METTL9: variants seen among roughly 807,000 people sequenced by gnomAD.
The protein encoded by METTL9 is protein-L-histidine N-pros-methyltransferase.
In METTL9, 10 loss-of-function variants were observed where a neutral mutation model predicts 36.0. That is an observed-to-expected ratio of 0.28 (90% CI 0.17 to 0.47). METTL9 has a LOEUF of 0.47. Among genes scored for constraint, METTL9 ranks in the 20% least tolerant of loss-of-function variants. METTL9 has a pLI of 0.99. For missense variants in METTL9, 246 were observed against 383.5 expected (o/e 0.64, Z 3.00); for synonymous variants, 175 against 149.7 (o/e 1.17, Z -1.23).
chr16:21,609,716 G>A (rs1965382506), intron 1 of METTL9, among the ~76,000 whole-genome samples: 1 of 152,030 alleles, frequency 6.6e-6, no homozygotes, highest in Admixed American at 6.6e-5. Context: ...AGGGGTCATG[G>A]GTTGGTAGGG....
intron 4 of METTL9, among the ~76,000 whole-genome samples, chr16:21,650,974 A>G (rs1228031820): frequency 6.6e-6 from 1 of 152,250 alleles, no homozygotes; most frequent in East Asian, 1.9e-4. Flanking sequence ...CTGTAATCCC[A>G]GCATTATGGG....
At chr16:21,649,109 G>A (rs1966503088) in intron 4 of METTL9, among the ~76,000 whole-genome samples, 1 of 152,046 alleles carries the variant, frequency 6.6e-6, no homozygotes, top group African/African-American at 2.4e-5. Context: ...TCCTGCCTTA[G>A]CTTCTCAAAA....
At chr16:21,599,394 G>A (rs1423527870), upstream of METTL9, 78 of 1,074,240 alleles carry the variant, frequency 7.3e-5, no homozygotes, top group Non-Finnish European at 8.2e-5. This position sits in a 1 kb window ranked among gnomAD's most constrained non-coding sequence, Gnocchi z 4.4. Flanking sequence ...ACGCGCTCCG[G>A]GCGGATGCGC....
intron 4 of METTL9, among the ~76,000 whole-genome samples, chr16:21,625,470 C>T (rs952307804): frequency 6.6e-6 from 1 of 152,062 alleles, no homozygotes; most frequent in Non-Finnish European, 1.5e-5. Flanking sequence ...TAAATCTGGT[C>T]GTATATACTT....
Position 21,599,712 on chromosome 16 carries a change from G to A in METTL9, c.-22G>A, listed in dbSNP as rs957320114. The A allele has an allele frequency of 4.7e-6, 7 of 1,476,714 alleles. No homozygotes were observed. Among genetic ancestry groups the A allele is most frequent in the Middle Eastern group, 2.3e-4 (1 of 4,426 alleles). 91.5% of individuals were successfully genotyped at this position (1,476,714 alleles called of 1,614,324 possible). A position where few individuals can be genotyped will look rare whatever the true frequency, so the allele number is the denominator to read the frequency against. ...CTCGCCCCGGCGCCGGCGGTGATCCGAGCGAGCGGCCGCGGCCCCCGATGA... is the reference window on the plus strand; with the variant it reads ...CTCGCCCCGGCGCCGGCGGTGATCCAAGCGAGCGGCCGCGGCCCCCGATGA... On this transcript the variant is annotated 5_prime_UTR_variant, in exon 1 of 5. Coordinates refer to ENST00000358154, the MANE Select transcript of METTL9 (RefSeq NM_016025.5). This position sits in a 1 kb window ranked among gnomAD's most constrained non-coding sequence, Gnocchi z 4.4.
chr16:21,636,599 ACTT>A (rs369530898), intron 4 of METTL9, among the ~76,000 whole-genome samples: 180 of 152,238 alleles, frequency 1.2e-3, no homozygotes, highest in African/African-American at 4.3e-3. Context: ...GGGTCAACCA[ACTT>A]CTTGTTGGGA....
Position 21,655,695 on chromosome 16 carries a change from T to C in METTL9, c.*263T>C, listed in dbSNP as rs1383307077. 5.4e-6 allele frequency: 2 copies of C among 370,962 alleles called. No homozygotes were observed. Among genetic ancestry groups the C allele is most frequent in the Non-Finnish European group, 9.7e-6 (2 of 205,482 alleles). The allele number at this position is 370,962 out of a possible 1,614,324, so 23.0% of individuals were successfully genotyped here. A position where few individuals can be genotyped will look rare whatever the true frequency, so the allele number is the denominator to read the frequency against. ...TCCAATGCAGGTCACACTCCAATTA[T>C]GATGGAAGATATTTTTTATACTTAA... On this transcript the variant is annotated 3_prime_UTR_variant, in exon 5 of 5. Coordinates refer to ENST00000358154, the MANE Select transcript of METTL9 (RefSeq NM_016025.5).
At chr16:21,624,870 T>C in intron 3 of METTL9, 61 bp from the exon 4 acceptor site, 1 of 1,448,282 alleles carries the variant, frequency 6.9e-7, no homozygotes, top group Non-Finnish European at 9.7e-7. Flanking sequence ...TCATCTCAGT[T>C]ATTTTTAAAG....
At chr16:21,643,680 TTAAAC>T (rs1966338885) in intron 4 of METTL9, 8 of 840,886 alleles carry the variant, frequency 9.5e-6, no homozygotes, top group Non-Finnish European at 1.2e-5. Flanking sequence ...CCTAATAAGA[TTAAAC>T]TAACTTAATA....
chr16:21,598,882 G>C (rs902979948), upstream of METTL9, among the ~76,000 whole-genome samples: 1 of 152,134 alleles, frequency 6.6e-6, no homozygotes, highest in Non-Finnish European at 1.5e-5. Context: ...CCCCAGCTGC[G>C]GTAGCTTCCC....
chr16:21,617,928 T>C lies in METTL9; in HGVS notation c.420T>C (p.Ile140=). Residue 140 remains isoleucine (I), a synonymous_variant, in exon 3 of 5, where the codon ATT becomes ATC. Transcript: ENST00000358154. ...ATCAGTTTCAGAGACTGCTTAAAAT[T>C]AATCCAGACTGGAAAACCCACAGAC... is the stretch of plus-strand genomic sequence containing the variant. The part of the protein sequence containing the change: ...SPDQFQRLLK[I]NPDWKTHRLL... 2 of 1,614,070 alleles carry C rather than the reference T, an allele frequency of 1.2e-6. No homozygotes were observed. The highest frequency in any genetic ancestry group is 2.2e-5 in the South Asian group (2 of 91,066).
intron 4 of METTL9, among the ~76,000 whole-genome samples, chr16:21,651,165 G>A (rs1022455420): frequency 1.3e-5 from 2 of 152,206 alleles, no homozygotes; most frequent in African/African-American, 4.8e-5. Context: ...GGAGCTTGCA[G>A]TGAGCCGAGA....
At chr16:21,637,594 C>T (rs1966135727) in intron 4 of METTL9, among the ~76,000 whole-genome samples, 1 of 152,236 alleles carries the variant, frequency 6.6e-6, no homozygotes, top group African/African-American at 2.4e-5. Context: ...CCTGGGCACT[C>T]CAGCAGCCCA....
rs1966718376 is a variant in METTL9 at position 21,656,671 on chromosome 16, C to A, written c.*1239C>A. 6.6e-6 allele frequency: 1 copy of A among 152,134 alleles called. No individual in the cohort carries two copies. Among genetic ancestry groups the A allele is most frequent in the South Asian group, 2.1e-4 (1 of 4,834 alleles). 9.4% of individuals were successfully genotyped at this position (152,134 alleles called of 1,614,324 possible). On this transcript the variant is annotated 3_prime_UTR_variant, in exon 5 of 5. Coordinates refer to ENST00000358154, the MANE Select transcript of METTL9 (RefSeq NM_016025.5). ...ATATGTTATCCTCACTACTTTATTTCTTTTTTCATCCAGGTGTTTCATTAA... is the reference window on the plus strand; with the variant it reads ...ATATGTTATCCTCACTACTTTATTTATTTTTTCATCCAGGTGTTTCATTAA...
intron 1 of METTL9, 136 bp downstream of exon 1, chr16:21,600,034 T>A (rs979669943): frequency 1.9e-5 from 15 of 791,318 alleles, no homozygotes; most frequent in Non-Finnish European, 2.3e-5. Context: ...TTGGAAAGTT[T>A]TCCCCGCGCC....
intron 1 of METTL9, among the ~76,000 whole-genome samples, chr16:21,605,046 T>G (rs1161723895): frequency 6.6e-6 from 1 of 152,016 alleles, no homozygotes; most frequent in African/African-American, 2.4e-5. Context: ...CATAGAACTC[T>G]TGGAGGTTGG....
intron 4 of METTL9, chr16:21,655,021 C>T: frequency 8.6e-6 from 5 of 584,782 alleles, no homozygotes; most frequent in East Asian, 5.7e-5. Context: ...ACCTTGCAAG[C>T]GTGGGCAAGT....
intron 4 of METTL9, among the ~76,000 whole-genome samples, chr16:21,647,807 T>C (rs1022140442): frequency 6.6e-6 from 1 of 152,136 alleles, no homozygotes; most frequent in African/African-American, 2.4e-5. Context: ...GGGGTCCATC[T>C]GTGACTCTTG....
Position 21,599,842 on chromosome 16 carries a change from A to C in METTL9, c.109A>C (p.Thr37Pro). 1 of 1,525,828 alleles carries C rather than the reference A, an allele frequency of 6.6e-7. No homozygotes were observed. The highest frequency in any genetic ancestry group is 8.7e-7 in the Non-Finnish European group (1 of 1,143,304). 94.5% of individuals were successfully genotyped at this position (1,525,828 alleles called of 1,614,324 possible). The change falls in exon 1 of 5, where the codon ACT (threonine) becomes CCT (proline). Residue 37 changes from threonine to proline, a missense_variant. Thr to Pro is a conservative substitution (Grantham distance 38). Around this residue, in one of 2 missense-constraint regions of METTL9, gnomAD observed 100 missense variants for 81.4 expected, o/e 1.23. Transcript: ENST00000358154. The surrounding 1 kb of genome is among the most constrained non-coding windows in gnomAD (Gnocchi z 4.4). ...CACCCGCTCCCTGTACGTGAACATG[A>C]CTAGCGGCCCGGGTGGGCCGGCGGC... ...PLTRSLYVNM[T>P]SGPGGPAAAA...
Sources: gnomAD v4.1 joint callset for allele counts (sites outside exome capture counted in the v4.1 genomes callset) on GRCh38, gnomAD v4.1.1 for gene constraint, gnomAD v4.1.1 regional missense constraint, Gnocchi (gnomAD v3.1) non-coding constraint, MANE v1.5 for transcripts, NCBI Gene and HGNC (gene_info 2026-07-23, HGNC 2026-07-21) for gene names.